IFRD1: variants seen among roughly 807,000 people sequenced by gnomAD.
IFRD1 encodes the protein interferon-related developmental regulator 1.
In IFRD1, 35 loss-of-function variants were observed where a neutral mutation model predicts 52.9. The observed-to-expected ratio is 0.66, with a 90% CI of 0.51 to 0.88. The LOEUF (loss-of-function observed/expected upper bound fraction) is 0.88. Among genes scored for constraint, IFRD1 ranks in the 40% least tolerant of loss-of-function variants. The pLI is 0.00. For synonymous variants in IFRD1, 184 were observed against 188.4 expected (o/e 0.98, Z 0.19); for missense variants, 517 against 550.8 (o/e 0.94, Z 0.61).
chr7:112,438,878 A>G (rs1794783870), intron 1 of IFRD1, among the ~76,000 whole-genome samples: 1 of 152,210 alleles, frequency 6.6e-6, no homozygotes, highest in South Asian at 2.1e-4. Flanking sequence ...CATTGACCTG[A>G]GCATAATGAA....
chr7:112,464,895 A>C (rs1399344960), intron 8 of IFRD1, among the ~76,000 whole-genome samples: 2 of 152,182 alleles, frequency 1.3e-5, no homozygotes, highest in African/African-American at 4.8e-5. Context: ...CCAAATCTGA[A>C]ATCACCTAGA....
At position 112,452,134 on chromosome 7, in the gene IFRD1, G is replaced by A. The variant is rs79977555; in HGVS notation, c.94+1352G>A. 34 of 975,770 alleles carry A rather than the reference G, an allele frequency of 3.5e-5. No homozygotes were observed. The East Asian group carries it at 3.6e-3, about 103-fold the overall frequency. 60.4% of individuals were successfully genotyped at this position (975,770 alleles called of 1,614,324 possible). On this transcript the variant is annotated intron_variant, in intron 1 of 11. Coordinates refer to ENST00000403825, the MANE Select transcript of IFRD1 (RefSeq NM_001550.4). The stretch of plus-strand genomic sequence containing the variant: ...ATGTAATTTATTGTGGCCTCTGGTT[G>A]CTCTATGTGAATTGAGGATACTTTT...
In IFRD1 at chr7:112,462,390, A is replaced by T; in HGVS notation, c.906+12A>T. ...GAGGAATAGAGAGTGTAAGTATCTA[A>T]CTGGCAGAGGAAAAAGCTTGTGTCA... On this transcript the variant is annotated intron_variant, in intron 8 of 11. Coordinates refer to ENST00000403825, the MANE Select transcript of IFRD1 (RefSeq NM_001550.4). 6.5e-7 allele frequency: 1 copy of T among 1,539,258 alleles called. No individual in the cohort carries two copies. Among genetic ancestry groups the T allele is most frequent in the Non-Finnish European group, 9.0e-7 (1 of 1,112,064 alleles).
intron 10 of IFRD1, 96 bp downstream of exon 10, chr7:112,472,443 G>A: frequency 1.5e-6 from 2 of 1,320,048 alleles, no homozygotes; most frequent in South Asian, 2.4e-5. Flanking sequence ...TAGGTATCCA[G>A]AGTGCTTCCA....
At chr7:112,435,273 G>A (rs1360735095) in intron 1 of IFRD1, among the ~76,000 whole-genome samples, 2 of 152,204 alleles carry the variant, frequency 1.3e-5, no homozygotes, top group Non-Finnish European at 2.9e-5. Context: ...AAGCTTCAGA[G>A]TTGTCATAGT....
At chr7:112,425,114 T>C (rs1006147790) in intron 1 of IFRD1, among the ~76,000 whole-genome samples, 18 of 152,210 alleles carry the variant, frequency 1.2e-4, no homozygotes, top group Admixed American at 1.0e-3. Flanking sequence ...CAAGCAATCT[T>C]CCTGCCTCAG....
chr7:112,450,418 T>G (rs1272288813), upstream of IFRD1: 4 of 504,678 alleles, frequency 7.9e-6, no homozygotes, highest in African/African-American at 1.9e-5. Context: ...TGACGTCAGG[T>G]GGCGGTATTG....
intron 1 of IFRD1, among the ~76,000 whole-genome samples, chr7:112,430,816 A>G (rs1005157296): frequency 1.2e-4 from 18 of 152,184 alleles, no homozygotes; most frequent in Non-Finnish European, 1.8e-4. Flanking sequence ...CTACTCCGCC[A>G]GAAGTGGCCT....
intron 5 of IFRD1, among the ~76,000 whole-genome samples, chr7:112,459,319 A>C (rs915264269): frequency 6.6e-6 from 1 of 152,214 alleles, no homozygotes; most frequent in African/African-American, 2.4e-5. Context: ...GGTTTGAGAA[A>C]GCTTTCATTC....
intron 11 of IFRD1, 87 bp downstream of exon 11, chr7:112,472,948 T>C (rs976449562): frequency 1.5e-5 from 13 of 880,478 alleles, no homozygotes; most frequent in Non-Finnish European, 2.3e-5. Context: ...TGTCTACCTA[T>C]ATGTGGAGTT....
intron 1 of IFRD1, among the ~76,000 whole-genome samples, chr7:112,432,170 A>G (rs1041431839): frequency 6.6e-6 from 1 of 152,222 alleles, no homozygotes; most frequent in South Asian, 2.1e-4. Context: ...TTGAGCATCA[A>G]AAATCAGTTA....
At position 112,462,702 on chromosome 7, in the gene IFRD1, C is replaced by A. The variant is rs565598074; in HGVS notation, c.906+324C>A. On this transcript the variant is annotated intron_variant, in intron 8 of 11. Transcript: ENST00000403825. ...TGAATTTCTCAGATACCCAATACAT[C>A]AAGCTAATGAAGGCATGTGATGCTT... 9.9e-5 allele frequency among the ~76,000 whole-genome samples: 15 copies of A among 152,250 alleles called. No individual in the cohort carries two copies. The East Asian group carries it at 2.7e-3, about 27-fold the overall frequency.
At chr7:112,427,613 G>A (rs1465430340) in intron 1 of IFRD1, among the ~76,000 whole-genome samples, 1 of 152,106 alleles carries the variant, frequency 6.6e-6, no homozygotes, top group East Asian at 1.9e-4. Context: ...ATAAACGATA[G>A]CTATTGATCC....
At chr7:112,457,646 AGGT>A (rs1202306381) in intron 4 of IFRD1, 1 of 152,232 alleles carries the variant, frequency 6.6e-6, no homozygotes, top group African/African-American at 2.4e-5. Context: ...TGGGAGACCG[AGGT>A]GGGAGGATTG....
chr7:112,437,535 C>G (rs1794734158), intron 1 of IFRD1, among the ~76,000 whole-genome samples: 1 of 151,936 alleles, frequency 6.6e-6, no homozygotes, highest in Non-Finnish European at 1.5e-5. Flanking sequence ...GAAGAGGAAA[C>G]TGAGGAACAG....
intron 1 of IFRD1, among the ~76,000 whole-genome samples, chr7:112,434,109 T>A (rs34695310): frequency 0.038 from 5,796 of 152,248 alleles, 111 homozygotes; most frequent in South Asian, 0.082. Context: ...AGGTGTGAGC[T>A]ACTGTGCCTG....
intron 1 of IFRD1, among the ~76,000 whole-genome samples, chr7:112,454,167 A>T (rs561277057): frequency 1.4e-4 from 21 of 152,266 alleles, no homozygotes; most frequent in Non-Finnish European, 2.5e-4. Flanking sequence ...TTTAAAAAGA[A>T]GATTTTATTT....
chr7:112,441,006 T>C (rs573983276), intron 1 of IFRD1, among the ~76,000 whole-genome samples: 4 of 152,200 alleles, frequency 2.6e-5, no homozygotes, highest in Admixed American at 2.0e-4. Context: ...GCAGGGTGGC[T>C]CACACCTGTA....
chr7:112,448,330 A>T (rs1795077095), upstream of IFRD1, among the ~76,000 whole-genome samples: 2 of 152,222 alleles, frequency 1.3e-5, 1 homozygote, highest in South Asian at 4.1e-4. Context: ...GGATTTGGAA[A>T]AAAAGCCCCT....
Sources: allele counts gnomAD v4.1 joint callset (sites outside exome capture counted in the v4.1 genomes callset), GRCh38; gene constraint gnomAD v4.1.1; transcripts MANE v1.5; gene names NCBI Gene and HGNC (gene_info 2026-07-23, HGNC 2026-07-21).